The following TKTL1 variants were observed in gnomAD, a reference collection of about 807,000 sequenced individuals.
TKTL1 encodes the protein transketolase like 1.
A neutral mutation model predicts 39.3 loss-of-function variants in TKTL1; 1 was observed. That is an observed-to-expected ratio of 0.03 (90% CI 0.01 to 0.12). The LOEUF (loss-of-function observed/expected upper bound fraction) is 0.12, where lower values mean the gene tolerates loss of function less well. TKTL1 is among the 10% of genes least tolerant of loss of function. TKTL1 has a pLI of 1.00. For missense variants in TKTL1, 575 were observed against 509.6 expected, an observed-to-expected ratio of 1.13 and a Z score of -1.24; for synonymous variants, 262 against 193.8, an observed-to-expected ratio of 1.35 and a Z score of -2.92.
At chrX:154,299,078 C>G (rs1220707425) in intron 1 of TKTL1, among the ~76,000 whole-genome samples, 1 of 109,208 alleles carries the variant, frequency 9.2e-6, no homozygotes, top group Admixed American at 9.8e-5. Context: ...TTTGCTACAT[C>G]ACATAGGTTT....
chrX:154,307,106 C>G (rs782249842), intron 2 of TKTL1, among the ~76,000 whole-genome samples: 8 of 110,546 alleles, frequency 7.2e-5, no homozygotes, highest in Non-Finnish European at 1.5e-4. Flanking sequence ...ACCCCAGTGT[C>G]TACAAAAAAT....
chrX:154,301,769 T>C (rs1557165982), intron 1 of TKTL1, among the ~76,000 whole-genome samples: 2 of 108,378 alleles, frequency 1.8e-5, no homozygotes, highest in Non-Finnish European at 3.8e-5. Flanking sequence ...TTTTTTTTTT[T>C]TTTAGTAGAG....
intron 6 of TKTL1, 66 bp downstream of exon 6, chrX:154,312,839 C>T (rs1240293444): frequency 1.6e-5 from 16 of 1,008,342 alleles, no homozygotes; most frequent in Non-Finnish European, 2.0e-5. Context: ...TAATGTTGTT[C>T]GTATGTACAC....
intron 10 of TKTL1, among the ~76,000 whole-genome samples, chrX:154,326,252 C>T (rs143486719): frequency 5.4e-5 from 6 of 111,830 alleles, no homozygotes; most frequent in East Asian, 5.6e-4. Flanking sequence ...CTGCCCACCA[C>T]GCTGACCATC....
intron 1 of TKTL1, among the ~76,000 whole-genome samples, chrX:154,297,387 C>T (rs1236336947): frequency 1.8e-5 from 2 of 110,670 alleles, no homozygotes; most frequent in Non-Finnish European, 3.8e-5. Flanking sequence ...TCCGGAGTAG[C>T]TGGGACTGCA....
intron 2 of TKTL1, among the ~76,000 whole-genome samples, chrX:154,306,623 C>CT (rs1259824583): frequency 1.2e-4 from 13 of 111,303 alleles, no homozygotes; most frequent in African/African-American, 3.9e-4. Flanking sequence ...TAAACTTGAA[C>CT]TTTTTTTACA....
At chrX:154,306,610 C>T (rs2067316582) in intron 2 of TKTL1, among the ~76,000 whole-genome samples, 1 of 111,524 alleles carries the variant, frequency 9.0e-6, no homozygotes, top group Non-Finnish European at 1.9e-5. Context: ...TTAAACATGT[C>T]TATAAACTTG....
At chrX:154,312,234 C>G (rs782452504) in intron 5 of TKTL1, among the ~76,000 whole-genome samples, 6 of 112,628 alleles carry the variant, frequency 5.3e-5, no homozygotes, top group African/African-American at 1.6e-4. Context: ...AGGGGCATAG[C>G]TAGGTGCAAT....
At chrX:154,328,024 G>T in intron 12 of TKTL1, 66 bp downstream of exon 12, 1 of 1,171,227 alleles carries the variant, frequency 8.5e-7, no homozygotes, top group Non-Finnish European at 1.2e-6. Context: ...TTGGCCACAT[G>T]GCATGCTCTC....
At chrX:154,320,375 A>G in intron 7 of TKTL1, 1 of 204,989 alleles carries the variant, frequency 4.9e-6, no homozygotes. Context: ...CTGAATGGAA[A>G]TAGAATGATC....
chrX:154,316,653 G>T (rs1236305077), intron 7 of TKTL1, among the ~76,000 whole-genome samples: 1 of 111,528 alleles, frequency 9.0e-6, no homozygotes, highest in African/African-American at 3.3e-5. Context: ...CCCTCCTGAC[G>T]CCAGTTGACT....
intron 1 of TKTL1, among the ~76,000 whole-genome samples, chrX:154,303,177 T>TTTA (rs2067287340): frequency 4.5e-5 from 4 of 88,807 alleles, no homozygotes; most frequent in South Asian, 1.3e-3. Context: ...TTTTTAAAAT[T>TTTA]TTTATTTATT....
chrX:154,310,028 C>A (rs2067343705), intron 3 of TKTL1, among the ~76,000 whole-genome samples: 1 of 110,431 alleles, frequency 9.1e-6, no homozygotes, highest in Non-Finnish European at 1.9e-5. Flanking sequence ...AGCCACTGTG[C>A]CTGGCCAGAT....
chrX:154,316,192 C>G (rs1415491369), intron 7 of TKTL1, among the ~76,000 whole-genome samples: 1 of 111,306 alleles, frequency 9.0e-6, no homozygotes, highest in African/African-American at 3.3e-5. Context: ...GCCTCAGCCT[C>G]CCAAGTAGCT....
chrX:154,298,426 CT>C (rs1209762972), intron 1 of TKTL1, among the ~76,000 whole-genome samples: 5 of 112,093 alleles, frequency 4.5e-5, no homozygotes, highest in African/African-American at 1.6e-4. Context: ...AAAGAACCAG[CT>C]TTGGCTAGGG....
chrX:154,322,298 G>A (rs1303965659), intron 8 of TKTL1, among the ~76,000 whole-genome samples: 3 of 106,683 alleles, frequency 2.8e-5, no homozygotes, highest in East Asian at 5.9e-4. Context: ...TTGGGAGGCC[G>A]AGGCAGGTGG....
chrX:154,317,840 CTT>C (rs1403313765), intron 7 of TKTL1, among the ~76,000 whole-genome samples: 1 of 110,510 alleles, frequency 9.0e-6, no homozygotes, highest in African/African-American at 3.3e-5. Flanking sequence ...GGTGTCACCT[CTT>C]GAGATTGACA....
chrX:154,301,164 T>C (rs1053285216), intron 1 of TKTL1, among the ~76,000 whole-genome samples: 9 of 111,787 alleles, frequency 8.1e-5, no homozygotes, highest in Middle Eastern at 4.6e-3. Context: ...CCATCTATTA[T>C]TGATTTCTAA....
intron 7 of TKTL1, 51 bp from the exon 8 acceptor site, chrX:154,320,706 C>G (rs781798696): frequency 8.7e-7 from 1 of 1,155,061 alleles, no homozygotes; most frequent in African/African-American, 1.8e-5. Flanking sequence ...GGAGAAGGGG[C>G]GGTGGGGGCA....
Sources: gnomAD v4.1 joint callset for allele counts (sites outside exome capture counted in the v4.1 genomes callset) on GRCh38, gnomAD v4.1.1 for gene constraint, MANE v1.5 for transcripts, NCBI Gene and HGNC (gene_info 2026-07-23, HGNC 2026-07-21) for gene names.